The following OTUD7A variants were observed in gnomAD, a reference collection of about 807,000 sequenced individuals.
OTUD7A encodes the protein OTU deubiquitinase 7A, also known as OTU domain-containing protein 7A.
In OTUD7A, 12 loss-of-function variants were observed where a neutral mutation model predicts 65.7. That is an observed-to-expected ratio of 0.18 (90% CI 0.12 to 0.30). The LOEUF is 0.30. Among genes scored for constraint, OTUD7A ranks in the 10% least tolerant of loss-of-function variants. The pLI is 1.00. For missense variants in OTUD7A, 1,148 were observed against 1,304.8 expected (o/e 0.88, Z 1.85); for synonymous variants, 641 against 586.3 (o/e 1.09, Z -1.35).
intron 5 of OTUD7A, among the ~76,000 whole-genome samples, chr15:31,536,472 T>C (rs1326089029): frequency 1.3e-5 from 2 of 152,188 alleles, no homozygotes; most frequent in Non-Finnish European, 2.9e-5. Context: ...TTCAATCAAA[T>C]GAGAATGTTT....
intron 10 of OTUD7A, among the ~76,000 whole-genome samples, chr15:31,499,658 C>T (rs1347117105): frequency 6.6e-6 from 1 of 152,250 alleles, no homozygotes; most frequent in African/African-American, 2.4e-5. Context: ...GGCCATGGCA[C>T]CTGCCCTGCA....
Position 31,480,120 on chromosome 15 carries a change from A to G in OTUD7A, c.*3174T>C, listed in dbSNP as rs1036796462. On this transcript the variant is annotated 3_prime_UTR_variant, in exon 13 of 13. Coordinates refer to ENST00000307050, the MANE Select transcript of OTUD7A (RefSeq NM_001382637.1). ...CCTTCCAAGGGACAACCCTGTGGCA[A>G]TAACGGGTGCAAAATATTGCTCTGT... is the stretch of plus-strand genomic sequence containing the variant. The G allele has an allele frequency of 2.6e-5, 4 of 152,198 alleles. No individual in the cohort carries two copies. The highest frequency in any genetic ancestry group is 9.6e-5 in the African/African-American group (4 of 41,460). The allele number at this position is 152,198 out of a possible 1,614,324, so 9.4% of individuals were successfully genotyped here.
chr15:31,862,218 C>T (rs545277307), intron 1 of OTUD7A, among the ~76,000 whole-genome samples: 1 of 152,214 alleles, frequency 6.6e-6, no homozygotes, highest in Admixed American at 6.5e-5. Context: ...AATCTTTCAT[C>T]ATCCCCAAGG....
intron 3 of OTUD7A, among the ~76,000 whole-genome samples, chr15:31,604,564 GCA>G (rs1329887961): frequency 1.1e-4 from 16 of 152,072 alleles, no homozygotes; most frequent in African/African-American, 3.1e-4. Flanking sequence ...TGCACATTCT[GCA>G]CATTCTGCAC....
rs745357818 is a variant in OTUD7A at position 31,807,304 on chromosome 15, C to G, written c.-100+63203G>C. Reference sequence around the variant, plus strand: ...CCCCAAGCTCTTCACTGCCATCTCCCAAGAGACAGAGTCTCACAGGGACAT... The same window carrying G: ...CCCCAAGCTCTTCACTGCCATCTCCGAAGAGACAGAGTCTCACAGGGACAT... On this transcript the variant is annotated intron_variant, in intron 1 of 12. Transcript: ENST00000307050. 1.2e-4 allele frequency among the ~76,000 whole-genome samples: 19 copies of G among 152,130 alleles called. 1 individual carries two copies. The highest frequency in any genetic ancestry group is 1.3e-4 in the Admixed American group (2 of 15,268).
At chr15:31,816,092 C>T (rs995686409) in intron 1 of OTUD7A, among the ~76,000 whole-genome samples, 1 of 152,228 alleles carries the variant, frequency 6.6e-6, no homozygotes, top group African/African-American at 2.4e-5. Flanking sequence ...GCATTGCCTG[C>T]TCTGGGCACA....
intron 5 of OTUD7A, among the ~76,000 whole-genome samples, chr15:31,547,986 T>A (rs975815941): frequency 1.3e-5 from 2 of 152,256 alleles, no homozygotes; most frequent in African/African-American, 2.4e-5. Flanking sequence ...TTCTCAGCTG[T>A]GCTGGAACTG....
chr15:31,779,776 A>C (rs140347559), intron 1 of OTUD7A, among the ~76,000 whole-genome samples: 185 of 152,074 alleles, frequency 1.2e-3, no homozygotes, highest in African/African-American at 4.3e-3. Context: ...ATGAGAGAGA[A>C]ATGGAGGAGG....
chr15:31,581,926 G>A (rs1283530963), intron 3 of OTUD7A, among the ~76,000 whole-genome samples: 1 of 152,210 alleles, frequency 6.6e-6, no homozygotes. Flanking sequence ...TTATCAGACT[G>A]CAAATTTTCC....
At chr15:31,710,612 T>C (rs1437138653) in intron 1 of OTUD7A, among the ~76,000 whole-genome samples, 1 of 152,128 alleles carries the variant, frequency 6.6e-6, no homozygotes, top group Non-Finnish European at 1.5e-5. Flanking sequence ...ATAAGAAGAA[T>C]GTGTGTTCTT....
chr15:31,752,158 G>A (rs1894654238), intron 1 of OTUD7A, among the ~76,000 whole-genome samples: 1 of 152,100 alleles, frequency 6.6e-6, no homozygotes, highest in African/African-American at 2.4e-5. Flanking sequence ...CAATGTATAT[G>A]TTGAATCAAA....
At chr15:31,734,075 A>G (rs1894120826) in intron 1 of OTUD7A, among the ~76,000 whole-genome samples, 1 of 152,212 alleles carries the variant, frequency 6.6e-6, no homozygotes, top group Non-Finnish European at 1.5e-5. Context: ...AGTATGAACA[A>G]AAGAACTGAT....
At position 31,630,160 on chromosome 15, in the gene OTUD7A, T is replaced by A. The variant is rs1277623890; in HGVS notation, c.151+24936A>T. ...TTTTGAATGTGTTTGCTCTTGCTTT[T>A]CTAGTTCTTTTAACTGTGACGTTAG... On this transcript the variant is annotated intron_variant, in intron 3 of 12. Coordinates refer to ENST00000307050, the MANE Select transcript of OTUD7A (RefSeq NM_001382637.1). Among the ~76,000 whole-genome samples the A allele has an allele frequency of 3.4e-5, 5 of 149,212 alleles. 1 individual carries two copies. The highest frequency in any genetic ancestry group is 3.4e-4 in the Admixed American group (5 of 14,922).
chr15:31,557,128 A>C (rs914045200), intron 5 of OTUD7A: 5 of 152,236 alleles, frequency 3.3e-5, no homozygotes, highest in African/African-American at 1.2e-4. Context: ...GGCTTCTATG[A>C]GTCCTGTGGC....
intron 1 of OTUD7A, among the ~76,000 whole-genome samples, chr15:31,718,809 A>G (rs1214812223): frequency 6.7e-6 from 1 of 149,668 alleles, no homozygotes; most frequent in Non-Finnish European, 1.5e-5. Context: ...GCTTATAAGC[A>G]GTTGGTTTGT....
At chr15:31,613,753 C>CCAGAAG (rs146144908) in intron 3 of OTUD7A, among the ~76,000 whole-genome samples, 13 of 151,020 alleles carry the variant, frequency 8.6e-5, no homozygotes, top group African/African-American at 2.9e-4. Flanking sequence ...CCTTAAAGAA[C>CCAGAAG]TAGAACTACC....
At position 31,476,881 on chromosome 15, in the gene OTUD7A, G is replaced by A. The variant is rs1377724151; in HGVS notation, c.*6413C>T. 6.6e-6 allele frequency: 1 copy of A among 152,288 alleles called. No homozygotes were observed. The highest frequency in any genetic ancestry group is 1.9e-4 in the East Asian group (1 of 5,202). The allele number at this position is 152,288 out of a possible 1,614,324, so 9.4% of individuals were successfully genotyped here. On this transcript the variant is annotated 3_prime_UTR_variant, in exon 13 of 13. Transcript: ENST00000307050. Reference sequence around the variant, plus strand: ...GACCTAGAAGTAAACACCAAAGTTAGGTAGTTGTGAAAATCATCTGGCAGG... The same window carrying A: ...GACCTAGAAGTAAACACCAAAGTTAAGTAGTTGTGAAAATCATCTGGCAGG...
intron 3 of OTUD7A, among the ~76,000 whole-genome samples, chr15:31,631,714 T>A (rs1216907176): frequency 6.6e-6 from 1 of 152,220 alleles, no homozygotes; most frequent in East Asian, 1.9e-4. Context: ...TCCCCATCAC[T>A]TTCAGGTACA....
chr15:31,584,319 T>C (rs774473145), intron 3 of OTUD7A, among the ~76,000 whole-genome samples: 3 of 152,154 alleles, frequency 2.0e-5, no homozygotes, highest in African/African-American at 4.8e-5. Context: ...CCTAAGAACA[T>C]AGTATGGCAG....
Sources: allele counts gnomAD v4.1 joint callset (sites outside exome capture counted in the v4.1 genomes callset), GRCh38; gene constraint gnomAD v4.1.1; transcripts MANE v1.5; gene names NCBI Gene and HGNC (gene_info 2026-07-23, HGNC 2026-07-21).